CSMD1: variants seen among roughly 807,000 people sequenced by gnomAD.
CSMD1 encodes the protein CUB and Sushi multiple domains 1, also known as CUB and sushi domain-containing protein 1.
Under a neutral mutation model 417.5 loss-of-function variants are expected in CSMD1, and 213 were observed. The observed-to-expected ratio is 0.51, with a 90% confidence interval of 0.46 to 0.57. The LOEUF is 0.57. Ranked by LOEUF, CSMD1 falls within the 20% of genes least tolerant of loss-of-function variation. The pLI, the probability that CSMD1 is intolerant of heterozygous loss-of-function variation, is 0.00. For missense variants in CSMD1, 6,923 were observed against 4,529.7 expected (o/e 1.53, Z -15.17); for synonymous variants, 2,862 against 1,736.8 (o/e 1.65, Z -16.11).
At chr8:4,488,656 A>G (rs1380945560) in intron 2 of CSMD1, among the ~76,000 whole-genome samples, 4 of 151,570 alleles carry the variant, frequency 2.6e-5, no homozygotes, top group Non-Finnish European at 2.9e-5. Context: ...CTAAAAAGGA[A>G]CACCAAAGAA....
intron 42 of CSMD1, among the ~76,000 whole-genome samples, chr8:3,115,374 G>C (rs1018810381): frequency 6.6e-6 from 1 of 151,998 alleles, no homozygotes; most frequent in Non-Finnish European, 1.5e-5. Context: ...GCTAAGTTTT[G>C]TATTTTTAGT....
chr8:3,844,917 A>ATGC (rs879277365), intron 5 of CSMD1, among the ~76,000 whole-genome samples: 8,702 of 152,294 alleles, frequency 0.057, 5 homozygotes, highest in African/African-American at 0.18. Flanking sequence ...GTGCATTTAA[A>ATGC]AACTGCCATC....
At chr8:4,853,488 T>G (rs1585166) in intron 1 of CSMD1, among the ~76,000 whole-genome samples, 35,069 of 152,140 alleles carry the variant, frequency 0.23, 4,985 homozygotes, top group Non-Finnish European at 0.33. Flanking sequence ...AATGCAAGAA[T>G]AAAGGAGGCT....
intron 5 of CSMD1, among the ~76,000 whole-genome samples, chr8:3,881,222 C>G (rs1013010192): frequency 6.6e-6 from 1 of 150,724 alleles, no homozygotes; most frequent in African/African-American, 2.4e-5. Flanking sequence ...TCAAGTCACT[C>G]TCAACCCAAA....
At position 4,790,028 on chromosome 8, in the gene CSMD1, C is replaced by G. The variant is rs116454095; in HGVS notation, c.86-152470G>C. On this transcript the variant is annotated intron_variant, in intron 1 of 69. Transcript: ENST00000635120. ...CCAAGTTATAGTGATGAAAAGGAAT[C>G]CAGGATTATGTGTGAATCTTCAGAG... 5.8e-3 allele frequency among the ~76,000 whole-genome samples: 884 copies of G among 152,250 alleles called. 15 individuals are homozygous for G. Among genetic ancestry groups the G allele is most frequent in the African/African-American group, 0.021 (854 of 41,534 alleles).
intron 3 of CSMD1, among the ~76,000 whole-genome samples, chr8:4,271,843 T>A (rs368142407): frequency 6.6e-6 from 1 of 152,164 alleles, no homozygotes; most frequent in Admixed American, 6.6e-5. Flanking sequence ...GCAGCGCTAT[T>A]TGAAAGGCAC....
At chr8:3,430,884 G>T (rs777028443) in intron 12 of CSMD1, among the ~76,000 whole-genome samples, 7 of 152,120 alleles carry the variant, frequency 4.6e-5, no homozygotes, top group Non-Finnish European at 7.4e-5. Flanking sequence ...TTATTTTACA[G>T]ATAAAATAAT....
At chr8:3,243,298 G>T (rs951068547) in intron 26 of CSMD1, among the ~76,000 whole-genome samples, 4 of 152,146 alleles carry the variant, frequency 2.6e-5, no homozygotes, top group Admixed American at 6.5e-5. Context: ...GAGGTCCCCC[G>T]ATCCGAGTCA....
intron 25 of CSMD1, among the ~76,000 whole-genome samples, chr8:3,301,006 T>G (rs1220557497): frequency 7.2e-6 from 1 of 139,576 alleles, no homozygotes; most frequent in Non-Finnish European, 1.6e-5. Context: ...AGAAATGGTA[T>G]AAACAAGCAA....
At chr8:4,802,326 G>C (rs1356496927) in intron 1 of CSMD1, among the ~76,000 whole-genome samples, 1 of 150,904 alleles carries the variant, frequency 6.6e-6, no homozygotes, top group Non-Finnish European at 1.5e-5. Context: ...CTCCAACTAG[G>C]AACAAGCAAA....
chr8:4,320,251 A>C (rs916522260), intron 3 of CSMD1, among the ~76,000 whole-genome samples: 1 of 152,188 alleles, frequency 6.6e-6, no homozygotes, highest in South Asian at 2.1e-4. Context: ...AGAAACAGGA[A>C]AATAAGACCC....
At chr8:4,512,525 A>C (rs1383668215) in intron 2 of CSMD1, among the ~76,000 whole-genome samples, 1 of 152,184 alleles carries the variant, frequency 6.6e-6, no homozygotes, top group African/African-American at 2.4e-5. Flanking sequence ...TCTATGTATA[A>C]CATCCTAAAT....
chr8:3,853,925 T>C (rs939423581), intron 5 of CSMD1, among the ~76,000 whole-genome samples: 10 of 146,702 alleles, frequency 6.8e-5, no homozygotes, highest in Non-Finnish European at 1.2e-4. Context: ...AAGTATAATA[T>C]ATTAATATAT....
chr8:4,503,948 C>A (rs1802390018), intron 2 of CSMD1, among the ~76,000 whole-genome samples: 1 of 143,038 alleles, frequency 7.0e-6, no homozygotes. Flanking sequence ...TCACATAATC[C>A]AGCAACACTA....
intron 4 of CSMD1, among the ~76,000 whole-genome samples, chr8:4,003,467 G>C (rs1348851065): frequency 6.6e-6 from 1 of 151,610 alleles, no homozygotes; most frequent in Non-Finnish European, 1.5e-5. Context: ...GACACAAACA[G>C]ATACATGGGA....
chr8:3,371,816 A>C (rs562369545), intron 18 of CSMD1, among the ~76,000 whole-genome samples: 1 of 152,346 alleles, frequency 6.6e-6, no homozygotes, highest in Admixed American at 6.5e-5. Context: ...AGAATATTTT[A>C]AGAATTTCTC....
chr8:3,459,775 A>T (rs537831535), intron 12 of CSMD1, among the ~76,000 whole-genome samples: 1 of 152,284 alleles, frequency 6.6e-6, no homozygotes, highest in South Asian at 2.1e-4. Flanking sequence ...ATTTGGGTCC[A>T]GGAATCAGAG....
At chr8:4,925,537 C>CTTTTTTTT (rs113682113) in intron 1 of CSMD1, among the ~76,000 whole-genome samples, 3 of 145,878 alleles carry the variant, frequency 2.1e-5, no homozygotes, top group Non-Finnish European at 1.5e-5. Context: ...CTGGCATTTT[C>CTTTTTTTT]TTTTTTTTTT....
intron 5 of CSMD1, among the ~76,000 whole-genome samples, chr8:3,784,594 A>G (rs978800247): frequency 2.0e-5 from 3 of 152,232 alleles, no homozygotes; most frequent in Non-Finnish European, 4.4e-5. Context: ...AGATGCTTCA[A>G]TATATGCTTT....
Sources: gnomAD v4.1 joint callset for allele counts (sites outside exome capture counted in the v4.1 genomes callset) on GRCh38, gnomAD v4.1.1 for gene constraint, MANE v1.5 for transcripts, NCBI Gene and HGNC (gene_info 2026-07-23, HGNC 2026-07-21) for gene names.